Variants in ZNF831 observed in about 807,000 individuals in gnomAD.
ZNF831 encodes the protein zinc finger protein 831.
ZNF831 carries 59 observed loss-of-function variants against 95.8 expected under a neutral mutation model. The observed-to-expected ratio is 0.62, with a 90% CI of 0.50 to 0.77. The LOEUF is 0.77. Ranked by LOEUF, ZNF831 falls within the 30% of genes least tolerant of loss-of-function variation. The pLI is 0.00. For missense variants in ZNF831, 2,205 were observed against 2,164.0 expected, an observed-to-expected ratio of 1.02 and a Z score of -0.38; for synonymous variants, 961 against 925.5, an observed-to-expected ratio of 1.04 and a Z score of -0.70.
intron 1 of ZNF831, among the ~76,000 whole-genome samples, chr20:59,139,764 T>C (rs1979618184): frequency 6.6e-6 from 1 of 152,162 alleles, no homozygotes; most frequent in African/African-American, 2.4e-5. Context: ...AGCCCAGCAC[T>C]CTTGACTTTC....
upstream of ZNF831, among the ~76,000 whole-genome samples, chr20:59,162,956 A>T (rs1980964657): frequency 6.6e-6 from 1 of 151,128 alleles, no homozygotes; most frequent in South Asian, 2.1e-4. Context: ...TTCTTTCAGT[A>T]GTATTTTGTA....
chr20:59,150,555 G>A (rs1251859046), intron 2 of ZNF831, among the ~76,000 whole-genome samples: 1 of 152,134 alleles, frequency 6.6e-6, no homozygotes, highest in East Asian at 1.9e-4. Context: ...TCTATGAATA[G>A]TAACCATAGC....
intron 4 of ZNF831, among the ~76,000 whole-genome samples, chr20:59,225,712 TG>T (rs1986380106): frequency 6.6e-6 from 1 of 152,030 alleles, no homozygotes; most frequent in Non-Finnish European, 1.5e-5. Context: ...GTTAGGAGGG[TG>T]GTGGGGGCCA....
intron 4 of ZNF831, among the ~76,000 whole-genome samples, chr20:59,235,310 G>A (rs1298446883): frequency 2.6e-5 from 4 of 152,170 alleles, no homozygotes; most frequent in Non-Finnish European, 5.9e-5. Context: ...TCTCTTGGGA[G>A]ACTTTTGACC....
rs147530823 is a variant in ZNF831 at position 59,207,651 on chromosome 20, T to A, written c.4027+595T>A. On this transcript the variant is annotated intron_variant, in intron 4 of 5. Coordinates refer to ENST00000371030, the MANE Select transcript of ZNF831 (RefSeq NM_178457.3). ...GCAATCACTGGGCAACCGGGGCAAA[T>A]GGCTCAACTTCTCTGGATCTCAATT... Among the ~76,000 whole-genome samples the A allele has an allele frequency of 7.5e-3, 1,135 of 152,292 alleles. 18 individuals carry two copies. The highest frequency in any genetic ancestry group is 0.025 in the African/African-American group (1,041 of 41,560).
rs2146771925 is a variant in ZNF831, at chr20:59,254,562, C to G, written c.4853C>G (p.Ser1618Cys). 6.2e-7 allele frequency: 1 copy of G among 1,614,092 alleles called. No individual in the cohort carries two copies. The highest frequency in any genetic ancestry group is 8.5e-7 in the Non-Finnish European group (1 of 1,180,036). The change falls in exon 6 of 6, where the codon TCT becomes TGT. Residue 1618 changes from serine to cysteine, a missense_variant. Transcript: ENST00000371030. This position sits in a 1 kb window ranked among gnomAD's most constrained non-coding sequence, Gnocchi z 4.5. ...AGTGACGGTAGGAAACGTCAGGTAT[C>G]TGGATTAATCACTCGGAAAGATTCT... is the stretch of plus-strand genomic sequence containing the variant. ...LGSDGRKRQV[S>C]GLITRKDSVV...
intron 1 of ZNF831, among the ~76,000 whole-genome samples, chr20:59,137,362 G>A (rs970847714): frequency 6.6e-6 from 1 of 151,304 alleles, no homozygotes; most frequent in Non-Finnish European, 1.5e-5. Context: ...TGTGTAATCA[G>A]TCTCTATTTC....
intron 1 of ZNF831, among the ~76,000 whole-genome samples, chr20:59,179,654 G>A (rs1337605393): frequency 5.3e-5 from 8 of 151,984 alleles, no homozygotes; most frequent in Admixed American, 3.3e-4. Flanking sequence ...CTCCGTCCTC[G>A]CGTGGGTCTT....
At chr20:59,203,939 C>T (rs974417845) in intron 3 of ZNF831, among the ~76,000 whole-genome samples, 17 of 152,164 alleles carry the variant, frequency 1.1e-4, no homozygotes, top group African/African-American at 3.1e-4. Context: ...CCAAAGCAAG[C>T]GCGGGATCAT....
rs2146589402 is a variant in ZNF831 at position 59,193,788 on chromosome 20, T to C, written c.2769T>C (p.Pro923=). 6.2e-7 allele frequency: 1 copy of C among 1,608,414 alleles called. No individual in the cohort carries two copies. The highest frequency in any genetic ancestry group is 8.5e-7 in the Non-Finnish European group (1 of 1,177,136). ...PAEHPSLATP[P]QAPRVLSALA... is the part of the protein sequence containing the mutation. The stretch of plus-strand genomic sequence containing the variant: ...AGCACCCCTCGCTGGCCACCCCACC[T>C]CAGGCTCCTAGAGTGCTCTCTGCCC... Residue 923 remains proline, a synonymous_variant, in exon 2 of 6, where the codon CCT becomes CCC. Coordinates refer to ENST00000371030, the MANE Select transcript of ZNF831 (RefSeq NM_178457.3).
intron 1 of ZNF831, among the ~76,000 whole-genome samples, chr20:59,181,833 T>C (rs558400759): frequency 6.6e-5 from 10 of 151,722 alleles, no homozygotes; most frequent in Admixed American, 1.3e-4. Context: ...GGGAATAACA[T>C]TGAATCTATA....
At position 59,130,722 on chromosome 20, in the gene ZNF831, G is replaced by A. The variant is rs146486885; in HGVS notation, c.-1425+7217G>A. ...ATGAAAAATGCCCCAAACTCACCCTGGGTATGGACACATCTGTGCCTTTGG... is the reference window on the plus strand; with the variant it reads ...ATGAAAAATGCCCCAAACTCACCCTAGGTATGGACACATCTGTGCCTTTGG... On this transcript the variant is annotated intron_variant, in intron 1 of 7. Transcript: ENST00000637017. 9.4e-4 allele frequency among the ~76,000 whole-genome samples: 143 copies of A among 152,284 alleles called. 1 individual carries two copies. The highest frequency in any genetic ancestry group is 3.2e-3 in the African/African-American group (131 of 41,562).
chr20:59,258,570 TG>T lies in ZNF831; in HGVS notation c.*3828del, dbSNP rs1988282771. On this transcript the variant is annotated 3_prime_UTR_variant, in exon 6 of 6. Coordinates refer to ENST00000371030, the MANE Select transcript of ZNF831 (RefSeq NM_178457.3). ...ATAATTTAATATGGTGAGGAGAATA[TG>T]ACCTGCCTGGCTCTATGGGTGATCA... 3 of 152,598 alleles carry T rather than the reference TG, an allele frequency of 2.0e-5. No homozygotes were observed. The South Asian group carries it at 6.2e-4, about 32-fold the overall frequency. 9.5% of individuals were successfully genotyped at this position (152,598 alleles called of 1,614,324 possible).
At chr20:59,242,733 G>A (rs1205982229) in intron 4 of ZNF831, among the ~76,000 whole-genome samples, 1 of 152,208 alleles carries the variant, frequency 6.6e-6, no homozygotes, top group African/African-American at 2.4e-5. Context: ...TGGGTTGCTA[G>A]ATTTTGATAA....
intron 4 of ZNF831, among the ~76,000 whole-genome samples, chr20:59,232,782 A>T (rs1305005780): frequency 6.6e-6 from 1 of 152,176 alleles, no homozygotes; most frequent in African/African-American, 2.4e-5. Context: ...AGCTAGTGGG[A>T]GATGAGCCAC....
chr20:59,150,775 C>T (rs1980185424), intron 2 of ZNF831, among the ~76,000 whole-genome samples: 1 of 152,136 alleles, frequency 6.6e-6, no homozygotes, highest in African/African-American at 2.4e-5. Flanking sequence ...ATTTGTTGTC[C>T]AGGAGAGAAA....
In ZNF831 at chr20:59,154,586, C is replaced by T. The variant is rs563959318; in HGVS notation, c.-1280-5066C>T. ...GCTGCTTCTCTTAATGACTTTCTCT[C>T]GGAGACAAGTCCTATGCCACTTGGA... is the stretch of plus-strand genomic sequence containing the variant. On this transcript the variant is annotated intron_variant, in intron 2 of 7. Coordinates refer to the ZNF831 transcript ENST00000637017. Among the ~76,000 whole-genome samples, 84 of 152,332 alleles carry T rather than the reference C, an allele frequency of 5.5e-4. No homozygotes were observed. The Middle Eastern group carries it at 0.014, about 25-fold the overall frequency.
intron 4 of ZNF831, among the ~76,000 whole-genome samples, chr20:59,237,722 C>T (rs1987081035): frequency 6.6e-6 from 1 of 152,084 alleles, no homozygotes; most frequent in Non-Finnish European, 1.5e-5. Context: ...TGAGGTGCTC[C>T]CCCCATGAAG....
rs771238515 is a variant in ZNF831, at chr20:59,192,150, C to T, written c.1131C>T (p.Gly377=). ...SEHSAESEGE[G]GPGPGPGVAG... ...ACAGCGCCGAGTCCGAGGGGGAGGGCGGCCCGGGCCCGGGGCCAGGGGTCG... is the reference window on the plus strand; with the variant it reads ...ACAGCGCCGAGTCCGAGGGGGAGGGTGGCCCGGGCCCGGGGCCAGGGGTCG... The change falls in exon 2 of 6, where the codon GGC becomes GGT. Residue 377 remains glycine, a synonymous_variant. Coordinates refer to ENST00000371030, the MANE Select transcript of ZNF831 (RefSeq NM_178457.3). The surrounding 1 kb of genome is among the most constrained non-coding windows in gnomAD (Gnocchi z 5.2). 2.6e-6 allele frequency: 4 copies of T among 1,558,054 alleles called. No homozygotes were observed. The highest frequency in any genetic ancestry group is 2.3e-5 in the East Asian group (1 of 43,674).
Sources: allele counts gnomAD v4.1 joint callset (sites outside exome capture counted in the v4.1 genomes callset), GRCh38; gene constraint gnomAD v4.1.1; non-coding constraint Gnocchi (gnomAD v3.1); transcripts MANE v1.5; gene names NCBI Gene and HGNC (gene_info 2026-07-23, HGNC 2026-07-21).